Variants in HIPK3 observed in about 807,000 individuals in gnomAD.
HIPK3 encodes homeodomain interacting protein kinase 3.
HIPK3 carries 47 observed loss-of-function variants against 124.2 expected under a neutral mutation model. The ratio of observed to expected loss-of-function variants is 0.38; its 90% CI spans 0.30 to 0.48. The LOEUF is 0.48. Among genes scored for constraint, HIPK3 ranks in the 20% least tolerant of loss-of-function variants. HIPK3 has a pLI of 0.98. For synonymous variants in HIPK3, 482 were observed against 515.2 expected (o/e 0.94, Z 0.87); for missense variants, 1,286 against 1,454.3 (o/e 0.88, Z 1.88).
intron 2 of HIPK3, among the ~76,000 whole-genome samples, chr11:33,313,905 T>C (rs1180981963): frequency 6.6e-6 from 1 of 152,156 alleles, no homozygotes; most frequent in Non-Finnish European, 1.5e-5. Flanking sequence ...TGCAGTGGTA[T>C]AAAGACAGCT....
chr11:33,330,114 A>G (rs900455189), intron 3 of HIPK3, among the ~76,000 whole-genome samples: 1 of 152,216 alleles, frequency 6.6e-6, no homozygotes, highest in Non-Finnish European at 1.5e-5. Context: ...TCACAATAGT[A>G]ATTTTAAAGA....
intron 1 of HIPK3, among the ~76,000 whole-genome samples, chr11:33,267,192 G>A (rs148798430): frequency 0.026 from 3,884 of 151,546 alleles, 159 homozygotes; most frequent in African/African-American, 0.09. Context: ...GCGCGATCTG[G>A]GCTCACTGCA....
chr11:33,296,432 G>C (rs1248549517), intron 2 of HIPK3, among the ~76,000 whole-genome samples: 1 of 152,118 alleles, frequency 6.6e-6, no homozygotes, highest in Admixed American at 6.6e-5. Flanking sequence ...TAGGTCTTTT[G>C]AGTGGCAAAG....
Position 33,351,764 on chromosome 11 carries a change from G to A in HIPK3, c.2964G>A (p.Lys988=). 1 of 1,614,190 alleles carries A rather than the reference G, an allele frequency of 6.2e-7. No homozygotes were observed. Among genetic ancestry groups the A allele is most frequent in the Non-Finnish European group, 8.5e-7 (1 of 1,180,028 alleles). The change falls in exon 15 of 17, where the codon AAG becomes AAA. Residue 988 remains lysine (K), a synonymous_variant. Coordinates refer to ENST00000303296, the MANE Select transcript of HIPK3 (RefSeq NM_005734.5). ...TATCCTCTGCTGACACAGAAACCAA[G>A]CCAGCTGTCTGTTCTGTTGTGGTGC... is the stretch of plus-strand genomic sequence containing the variant. ...ELVSSADTET[K]PAVCSVVVPP...
intron 1 of HIPK3, among the ~76,000 whole-genome samples, chr11:33,271,208 TTCA>T (rs1168589754): frequency 1.3e-5 from 2 of 152,218 alleles, no homozygotes; most frequent in East Asian, 1.9e-4. Flanking sequence ...TTTGGCGTAT[TTCA>T]TCATGTATAG....
chr11:33,334,223 T>C (rs1370962546), intron 3 of HIPK3, among the ~76,000 whole-genome samples: 1 of 152,160 alleles, frequency 6.6e-6, no homozygotes, highest in Non-Finnish European at 1.5e-5. Flanking sequence ...TATAAATGCA[T>C]GTTCTAGGTG....
chr11:33,349,015 A>G, intron 13 of HIPK3, 132 bp from the exon 14 acceptor site: 1 of 940,224 alleles, frequency 1.1e-6, no homozygotes. Context: ...TTGTATCTGT[A>G]AGCTTTAACT....
rs1169498647 is a variant in HIPK3 at position 33,257,666 on chromosome 11, GAGCAGC to G, written c.-210_-205del. The G allele has an allele frequency of 8.0e-6, 8 of 993,850 alleles. No homozygotes were observed. The highest frequency in any genetic ancestry group is 8.4e-6 in the Non-Finnish European group (7 of 836,414). The allele number at this position is 993,850 out of a possible 1,614,324, so 61.6% of individuals were successfully genotyped here. On this transcript the variant is annotated 5_prime_UTR_variant, in exon 1 of 17. Transcript: ENST00000303296. ...AGACGGGCCCGGCGCTTAGCAGCCAGAGCAGCAGCAGCAGCAGCAGCGGTCGGGGGA... is the reference window on the plus strand; with the variant it reads ...AGACGGGCCCGGCGCTTAGCAGCCAGAGCAGCAGCAGCAGCGGTCGGGGGA...
intron 2 of HIPK3, among the ~76,000 whole-genome samples, chr11:33,328,069 G>GGTCTA (rs1330696073): frequency 3.3e-5 from 5 of 151,994 alleles, no homozygotes; most frequent in African/African-American, 1.2e-4. Context: ...GTAATATCTA[G>GGTCTA]GTCTAGATTC....
chr11:33,292,498 G>A (rs2133911114), intron 2 of HIPK3, among the ~76,000 whole-genome samples: 1 of 152,208 alleles, frequency 6.6e-6, no homozygotes, highest in Admixed American at 6.5e-5. Context: ...GCTTCTAGGG[G>A]AGCGATGACC....
chr11:33,341,276 T>C, intron 7 of HIPK3, 149 bp downstream of exon 7: 1 of 608,866 alleles, frequency 1.6e-6, no homozygotes, highest in East Asian at 3.1e-5. Context: ...TCTCTTAAAA[T>C]TCCAAGGTAA....
intron 2 of HIPK3, among the ~76,000 whole-genome samples, chr11:33,299,122 C>T (rs973439733): frequency 6.6e-6 from 1 of 150,722 alleles, no homozygotes; most frequent in African/African-American, 2.4e-5. Context: ...GCTGGGATTA[C>T]AGGTGTGAGC....
At chr11:33,281,188 G>A in intron 1 of HIPK3, among the ~76,000 whole-genome samples, 1 of 149,762 alleles carries the variant, frequency 6.7e-6, no homozygotes, top group East Asian at 2.0e-4. Flanking sequence ...TCCTGTCTCA[G>A]CCTCCCGAGT....
intron 1 of HIPK3, among the ~76,000 whole-genome samples, chr11:33,285,356 A>G (rs1426315978): frequency 6.6e-6 from 1 of 152,182 alleles, no homozygotes; most frequent in Non-Finnish European, 1.5e-5. Flanking sequence ...GTTTAAAGGA[A>G]TATCCATATA....
At position 33,292,592 on chromosome 11, in the gene HIPK3, C is replaced by T. The variant is rs570659670; in HGVS notation, c.1097+5081C>T. ...TTTTCTCTCACTAAGCCACTCTTAA[C>T]CTAAAAAAGCTCAGCATTGGGATGA... On this transcript the variant is annotated intron_variant, in intron 2 of 16. Coordinates refer to ENST00000303296, the MANE Select transcript of HIPK3 (RefSeq NM_005734.5). 2.6e-5 allele frequency among the ~76,000 whole-genome samples: 4 copies of T among 152,132 alleles called. No homozygotes were observed. The East Asian group carries it at 5.8e-4, about 22-fold the overall frequency.
intron 1 of HIPK3, chr11:33,258,732 CT>C: frequency 2.0e-6 from 2 of 985,196 alleles, no homozygotes; most frequent in Non-Finnish European, 1.2e-6. Flanking sequence ...CGTCTCATCT[CT>C]GCTTGAGGAA....
intron 3 of HIPK3, among the ~76,000 whole-genome samples, chr11:33,336,542 T>C (rs1853154355): frequency 1.3e-5 from 2 of 152,222 alleles, no homozygotes; most frequent in Admixed American, 1.3e-4. Context: ...TTCTTTAAAA[T>C]GTAAGCTGTC....
intron 5 of HIPK3, 143 bp from the exon 6 acceptor site, chr11:33,339,207 A>G: frequency 1.7e-6 from 1 of 580,432 alleles, no homozygotes; most frequent in South Asian, 2.9e-5. Flanking sequence ...TGTTAATATT[A>G]TTTGTTCTTC....
chr11:33,300,042 A>AT (rs908208588), intron 2 of HIPK3, among the ~76,000 whole-genome samples: 6 of 147,106 alleles, frequency 4.1e-5, no homozygotes, highest in Non-Finnish European at 6.0e-5. Flanking sequence ...AAAAAAAAAA[A>AT]AAGAAAGAAA....
Sources: gnomAD v4.1 joint callset for allele counts (sites outside exome capture counted in the v4.1 genomes callset) on GRCh38, gnomAD v4.1.1 for gene constraint, MANE v1.5 for transcripts, NCBI Gene and HGNC (gene_info 2026-07-23, HGNC 2026-07-21) for gene names.